Variants in WDR27 observed in about 807,000 individuals in gnomAD.
WDR27 encodes the protein WD repeat domain 27.
WDR27 carries 100 observed loss-of-function variants against 114.4 expected under a neutral mutation model. The ratio of observed to expected loss-of-function variants is 0.87; its 90% CI spans 0.74 to 1.03. The LOEUF (loss-of-function observed/expected upper bound fraction) is 1.03. Among genes scored for constraint, WDR27 ranks in the 50% least tolerant of loss-of-function variants. The pLI is 0.00. For synonymous variants in WDR27, 449 were observed against 423.1 expected (o/e 1.06, Z -0.75); for missense variants, 1,129 against 1,092.9 (o/e 1.03, Z -0.47).
Position 169,636,482 on chromosome 6 carries a change from G to C in WDR27, c.1892C>G (p.Pro631Arg). 4 of 1,610,506 alleles carry C rather than the reference G, an allele frequency of 2.5e-6. No individual in the cohort carries two copies. The highest frequency in any genetic ancestry group is 3.4e-6 in the Non-Finnish European group (4 of 1,178,850). ...LLLGKDMFSK[P>R]IQSAQFYYID... ...ATAATAGAACTGTGCAGACTGTATA[G>C]GTTTAGAAAACATGTCTTTGCCCTG... The change falls in exon 19 of 26, where the codon CCT (proline) becomes CGT (arginine). Residue 631 changes from proline (P) to arginine (R), a missense_variant. Transcript: ENST00000448612.
At chr6:169,455,337 T>C (rs1287688490), downstream of WDR27, among the ~76,000 whole-genome samples, 1 of 152,148 alleles carries the variant, frequency 6.6e-6, no homozygotes, top group African/African-American at 2.4e-5. Context: ...CACAGGTCTA[T>C]TAGAACAATG....
chr6:169,699,464 C>T (rs1787231165), intron 1 of WDR27, among the ~76,000 whole-genome samples: 2 of 152,138 alleles, frequency 1.3e-5, no homozygotes, highest in African/African-American at 4.8e-5. Flanking sequence ...ACAGAGCTGA[C>T]GAGATACACA....
At chr6:169,468,211 C>T (rs1251781714) in intron 25 of WDR27, among the ~76,000 whole-genome samples, 4 of 152,190 alleles carry the variant, frequency 2.6e-5, no homozygotes, top group Non-Finnish European at 5.9e-5. Context: ...GCATTTTGGT[C>T]AAGGCCATTC....
intron 25 of WDR27, among the ~76,000 whole-genome samples, chr6:169,509,775 C>T (rs1207279386): frequency 1.3e-5 from 2 of 152,130 alleles, no homozygotes; most frequent in Non-Finnish European, 2.9e-5. Flanking sequence ...CCAAAATTGA[C>T]AAATGGGATC....
chr6:169,450,208 A>C, the WDR27 span, among the ~76,000 whole-genome samples: 1 of 152,216 alleles, frequency 6.6e-6, no homozygotes, highest in African/African-American at 2.4e-5. Context: ...GGAGTCCGAC[A>C]GCTGCCAGCG....
At chr6:169,676,363 T>C (rs926653699) in intron 2 of WDR27, among the ~76,000 whole-genome samples, 20 of 152,204 alleles carry the variant, frequency 1.3e-4, no homozygotes, top group East Asian at 7.7e-4. Flanking sequence ...ATAACGTGGC[T>C]TACTTTCCAA....
chr6:169,569,143 G>A (rs1800964548), intron 25 of WDR27, among the ~76,000 whole-genome samples: 1 of 152,208 alleles, frequency 6.6e-6, no homozygotes, highest in South Asian at 2.1e-4. Flanking sequence ...GGACCGTGAT[G>A]CTACTGCAGC....
intron 21 of WDR27, among the ~76,000 whole-genome samples, chr6:169,624,699 G>A (rs1393337348): frequency 6.6e-6 from 1 of 152,198 alleles, no homozygotes; most frequent in Non-Finnish European, 1.5e-5. Flanking sequence ...TTTCCCATGA[G>A]AGTTTGACAA....
At chr6:169,639,886 G>A (rs1818731154) in intron 17 of WDR27, among the ~76,000 whole-genome samples, 1 of 152,160 alleles carries the variant, frequency 6.6e-6, no homozygotes, top group Non-Finnish European at 1.5e-5. Flanking sequence ...AAGGAAAGGA[G>A]AAAGCAAAGA....
the WDR27 span, among the ~76,000 whole-genome samples, chr6:169,446,756 T>C: frequency 6.6e-6 from 1 of 152,338 alleles, no homozygotes; most frequent in South Asian, 2.1e-4. Flanking sequence ...GCTACAAGAA[T>C]TTCCTGACTC....
chr6:169,677,349 T>C (rs1284769595), intron 2 of WDR27, among the ~76,000 whole-genome samples: 1 of 152,238 alleles, frequency 6.6e-6, no homozygotes, highest in Non-Finnish European at 1.5e-5. Flanking sequence ...TAGGGCTCTG[T>C]GGAAGCTTAA....
At chr6:169,428,982 G>A in the WDR27 span, among the ~76,000 whole-genome samples, 5 of 152,308 alleles carry the variant, frequency 3.3e-5, no homozygotes, top group East Asian at 9.7e-4. Context: ...GAGTGGGGCA[G>A]ACACAGGCGT....
At chr6:169,682,380 G>A (rs993445736) in intron 2 of WDR27, among the ~76,000 whole-genome samples, 1 of 152,202 alleles carries the variant, frequency 6.6e-6, no homozygotes, top group Non-Finnish European at 1.5e-5. Context: ...TCTGGACTCA[G>A]GTGCCTGGTC....
chr6:169,501,761 G>T (rs373756575), intron 25 of WDR27, among the ~76,000 whole-genome samples: 1 of 152,192 alleles, frequency 6.6e-6, no homozygotes, highest in Non-Finnish European at 1.5e-5. Flanking sequence ...AGGAGTTTGC[G>T]GTTGTCTGCT....
intron 25 of WDR27, among the ~76,000 whole-genome samples, chr6:169,566,037 T>C (rs1800411648): frequency 6.6e-6 from 1 of 152,240 alleles, no homozygotes; most frequent in African/African-American, 2.4e-5. Flanking sequence ...TTGTTATTCA[T>C]TAGAAGAAAC....
intron 25 of WDR27, among the ~76,000 whole-genome samples, chr6:169,545,562 C>T (rs1797357935): frequency 6.6e-6 from 1 of 152,052 alleles, no homozygotes; most frequent in Non-Finnish European, 1.5e-5. Flanking sequence ...CCTATAGTCC[C>T]AGCTACTCAG....
chr6:169,498,193 C>T (rs1179613695), intron 25 of WDR27, among the ~76,000 whole-genome samples: 1 of 151,906 alleles, frequency 6.6e-6, no homozygotes, highest in Non-Finnish European at 1.5e-5. Context: ...ATATGAGGTA[C>T]CTAGAGTGAA....
chr6:169,517,434 C>G (rs1018221390), intron 25 of WDR27, among the ~76,000 whole-genome samples: 2 of 152,216 alleles, frequency 1.3e-5, no homozygotes, highest in African/African-American at 4.8e-5. Context: ...CCTGCTTCCA[C>G]ATCATCATTT....
chr6:169,569,396 T>G (rs1298576655), intron 25 of WDR27, among the ~76,000 whole-genome samples: 1 of 152,244 alleles, frequency 6.6e-6, no homozygotes, highest in Non-Finnish European at 1.5e-5. Flanking sequence ...ATTAAATCCC[T>G]CAGGCAATGA....
Sources: gnomAD v4.1 joint callset for allele counts (sites outside exome capture counted in the v4.1 genomes callset) on GRCh38, gnomAD v4.1.1 for gene constraint, MANE v1.5 for transcripts, NCBI Gene and HGNC (gene_info 2026-07-23, HGNC 2026-07-21) for gene names.